SMYD2: variants seen among roughly 807,000 people sequenced by gnomAD.
SMYD2 encodes SET and MYND domain containing 2.
In SMYD2, 53 loss-of-function variants were observed where a neutral mutation model predicts 59.1. The observed-to-expected ratio is 0.90, with a 90% CI of 0.72 to 1.13. The LOEUF (loss-of-function observed/expected upper bound fraction) is 1.13, where lower values mean the gene tolerates loss of function less well. SMYD2 is among the 50% of genes most tolerant of loss of function. SMYD2 has a pLI of 0.00. For synonymous variants in SMYD2, 208 were observed against 198.8 expected (o/e 1.05, Z -0.39); for missense variants, 494 against 544.7 (o/e 0.91, Z 0.93).
At chr1:214,322,989 G>A (rs1657197338) in intron 5 of SMYD2, among the ~76,000 whole-genome samples, 1 of 152,176 alleles carries the variant, frequency 6.6e-6, no homozygotes, top group Admixed American at 6.5e-5. Flanking sequence ...AGAAGAGAGT[G>A]GGGTGGAATC....
intron 1 of SMYD2, among the ~76,000 whole-genome samples, chr1:214,301,789 C>CAAAAAAAAAAAA: frequency 1.2e-5 from 1 of 84,908 alleles, no homozygotes; most frequent in Non-Finnish European, 2.4e-5. Flanking sequence ...AAAAAAAAAG[C>CAAAAAAAAAAAA]CAGGAATTTT....
At chr1:214,310,777 A>C (rs1052184727) in intron 2 of SMYD2, among the ~76,000 whole-genome samples, 1 of 152,124 alleles carries the variant, frequency 6.6e-6, no homozygotes, top group African/African-American at 2.4e-5. Flanking sequence ...GGTTGCTTGT[A>C]ATTTCTTATG....
At position 214,318,717 on chromosome 1, in the gene SMYD2, G is replaced by A; in HGVS notation, c.410-142G>A. On this transcript the variant is annotated intron_variant, in intron 4 of 11. Coordinates refer to ENST00000366957, the MANE Select transcript of SMYD2 (RefSeq NM_020197.3). The surrounding 1 kb of genome is among the most constrained non-coding windows in gnomAD (Gnocchi z 5.4). The stretch of plus-strand genomic sequence containing the variant: ...GTTAAACCAAGTAATGGGGAAGAAT[G>A]TTCTCTGGGGGTTCAACATGTTAGT... 1 of 975,762 alleles carries A rather than the reference G, an allele frequency of 1.0e-6. No individual in the cohort carries two copies. Among genetic ancestry groups the A allele is most frequent in the Non-Finnish European group, 1.5e-6 (1 of 679,594 alleles). 60.4% of individuals were successfully genotyped at this position (975,762 alleles called of 1,614,324 possible).
chr1:214,317,804 G>A (rs1037972892), intron 3 of SMYD2, among the ~76,000 whole-genome samples: 13 of 152,040 alleles, frequency 8.6e-5, no homozygotes, highest in African/African-American at 3.1e-4. Flanking sequence ...GTTGTTTTCC[G>A]GCCCTGTTCT....
At chr1:214,307,044 G>T (rs1410509091) in intron 2 of SMYD2, among the ~76,000 whole-genome samples, 1 of 152,188 alleles carries the variant, frequency 6.6e-6, no homozygotes, top group Admixed American at 6.5e-5. Flanking sequence ...GTGGTGGCGG[G>T]TGCCTGTAAT....
chr1:214,308,059 GT>G (rs985163183), intron 2 of SMYD2, among the ~76,000 whole-genome samples: 6 of 152,364 alleles, frequency 3.9e-5, no homozygotes, highest in Admixed American at 3.9e-4. Flanking sequence ...TCATGATGGA[GT>G]TTCCCCTGCT....
intron 2 of SMYD2, among the ~76,000 whole-genome samples, chr1:214,307,936 C>T (rs758929333): frequency 6.6e-6 from 1 of 152,166 alleles, no homozygotes; most frequent in Non-Finnish European, 1.5e-5. Context: ...TACAGGTGGC[C>T]GCCTCATAAT....
At chr1:214,325,820 A>G (rs1306423446) in intron 6 of SMYD2, among the ~76,000 whole-genome samples, 13 of 143,792 alleles carry the variant, frequency 9.0e-5, no homozygotes, top group Admixed American at 8.6e-4. Context: ...GGGAAAAGGC[A>G]GGAGAAAAAG....
intron 1 of SMYD2, among the ~76,000 whole-genome samples, chr1:214,303,579 T>C (rs1656861262): frequency 6.6e-6 from 1 of 152,214 alleles, no homozygotes. Context: ...GACGCGTTTT[T>C]CTCCCACATT....
At chr1:214,282,458 C>CT (rs1417127299) in intron 1 of SMYD2, among the ~76,000 whole-genome samples, 1 of 152,194 alleles carries the variant, frequency 6.6e-6, no homozygotes, top group Non-Finnish European at 1.5e-5. Context: ...TTCCAGTACT[C>CT]TGAGTAGAGA....
In SMYD2 at chr1:214,332,014, G is replaced by GC. The variant is rs763516758; in HGVS notation, c.938-3dup. The GC allele has an allele frequency of 6.2e-7, 1 of 1,611,232 alleles. No individual in the cohort carries two copies. Among genetic ancestry groups the GC allele is most frequent in the South Asian group, 1.1e-5 (1 of 90,660 alleles). On this transcript the variant is annotated splice_region_variant and splice_polypyrimidine_tract_variant and intron_variant, in intron 9 of 11. Coordinates refer to ENST00000366957, the MANE Select transcript of SMYD2 (RefSeq NM_020197.3). ...CGGTGGCCCTTTCCTTGACTCCACAGCACCCCCTAGTGAGCTGCTGGAGAT... is the reference window on the plus strand; with the variant it reads ...CGGTGGCCCTTTCCTTGACTCCACAGCCACCCCCTAGTGAGCTGCTGGAGAT...
At position 214,334,314 on chromosome 1, in the gene SMYD2, T is replaced by C. The variant is rs1657403240; in HGVS notation, c.1221+6T>C. ...GGGAGAAAGCCCTGAAGAAGGTATG[T>C]CTGTAACTCGGCCTTAGGATTCCCA... is the stretch of plus-strand genomic sequence containing the variant. On this transcript the variant is annotated splice_donor_region_variant and intron_variant, in intron 11 of 11. Coordinates refer to ENST00000366957, the MANE Select transcript of SMYD2 (RefSeq NM_020197.3). 1 of 1,612,432 alleles carries C rather than the reference T, an allele frequency of 6.2e-7. No individual in the cohort carries two copies. Among genetic ancestry groups the C allele is most frequent in the Non-Finnish European group, 8.5e-7 (1 of 1,179,582 alleles).
chr1:214,285,964 G>T (rs897342914), intron 1 of SMYD2, among the ~76,000 whole-genome samples: 1 of 152,240 alleles, frequency 6.6e-6, no homozygotes, highest in African/African-American at 2.4e-5. Context: ...AAGGCACAGT[G>T]AGAATATGGT....
At chr1:214,288,028 C>T (rs1656578892) in intron 1 of SMYD2, among the ~76,000 whole-genome samples, 1 of 152,194 alleles carries the variant, frequency 6.6e-6, no homozygotes, top group Non-Finnish European at 1.5e-5. Flanking sequence ...GACCAAGCTG[C>T]ACGTTTGGAA....
chr1:214,327,567 C>T, intron 6 of SMYD2, 55 bp from the exon 7 acceptor site: 1 of 1,428,792 alleles, frequency 7.0e-7, no homozygotes, highest in Non-Finnish European at 9.9e-7. Context: ...GTGAAGGAAG[C>T]TAAACAGTCT....
In SMYD2 at chr1:214,327,640, T is replaced by C. The variant is rs756141383; in HGVS notation, c.621T>C (p.His207=). 9 of 1,614,064 alleles carry C rather than the reference T, an allele frequency of 5.6e-6. No homozygotes were observed. In the Admixed American group the frequency reaches 1.0e-4, roughly 18 times the overall value. The change falls in exon 7 of 12, where the codon CAT becomes CAC. Residue 207 remains histidine (H), a synonymous_variant. Transcript: ENST00000366957. ...AIFPDVALMN[H]SCCPNVIVTY... is the part of the protein sequence containing the mutation. ...CTGACAGTGTTGCATTGATGAATCA[T>C]AGCTGTTGCCCCAATGTCATTGTGA...
At chr1:214,317,999 G>T in intron 3 of SMYD2, 80 bp from the exon 4 acceptor site, 2 of 1,231,862 alleles carry the variant, frequency 1.6e-6, no homozygotes, top group Admixed American at 3.6e-5. Context: ...TCTTTATGTT[G>T]ATGTAAAAGT....
At chr1:214,326,245 A>G (rs996319129) in intron 6 of SMYD2, among the ~76,000 whole-genome samples, 4 of 151,758 alleles carry the variant, frequency 2.6e-5, no homozygotes, top group African/African-American at 9.7e-5. Context: ...CTCAAAAAAA[A>G]AAAAAAAAAA....
Position 214,318,822 on chromosome 1 carries a change from C to T in SMYD2, c.410-37C>T. The T allele has an allele frequency of 6.2e-7, 1 of 1,607,402 alleles. No individual in the cohort carries two copies. The highest frequency in any genetic ancestry group is 8.5e-7 in the Non-Finnish European group (1 of 1,176,828). On this transcript the variant is annotated intron_variant, in intron 4 of 11. Coordinates refer to ENST00000366957, the MANE Select transcript of SMYD2 (RefSeq NM_020197.3). The surrounding 1 kb of genome is among the most constrained non-coding windows in gnomAD (Gnocchi z 5.4). ...ATAGGATGTAGCTAGAAATCCCACG[C>T]TTTCTACTGGGTGAATAATGGATTA...
Sources: gnomAD v4.1 joint callset for allele counts (sites outside exome capture counted in the v4.1 genomes callset) on GRCh38, gnomAD v4.1.1 for gene constraint, Gnocchi (gnomAD v3.1) non-coding constraint, MANE v1.5 for transcripts, NCBI Gene and HGNC (gene_info 2026-07-23, HGNC 2026-07-21) for gene names.